PAPPA: variants seen among roughly 807,000 people sequenced by gnomAD.
PAPPA encodes the protein pappalysin-1.
In PAPPA, 60 loss-of-function variants were observed where a neutral mutation model predicts 164.0. The observed-to-expected ratio is 0.37, with a 90% CI of 0.30 to 0.45. The LOEUF is 0.45. Among genes scored for constraint, PAPPA ranks in the 20% least tolerant of loss-of-function variants. The probability of loss-of-function intolerance (pLI) is 1.00; values close to 1 mark genes in which losing one functional copy is unlikely to be tolerated. For synonymous variants in PAPPA, 875 were observed against 814.1 expected (o/e 1.07, Z -1.27); for missense variants, 1,782 against 2,087.3 (o/e 0.85, Z 2.85).
rs1401919719 is a variant in PAPPA at position 116,235,307 on chromosome 9, C to A, written c.2402C>A (p.Thr801Asn). Residue 801 changes from threonine (T) to asparagine (N), a missense_variant, in exon 7 of 22, where the codon ACC becomes AAC. Thr to Asn is a moderately conservative substitution (Grantham distance 65). Coordinates refer to ENST00000328252, the MANE Select transcript of PAPPA (RefSeq NM_002581.5). ...LVPESLTIWV[T>N]FVSTDWDSSG... Reference sequence around the variant, plus strand: ...CCTGAGTCTCTGACCATTTGGGTGACCTTTGTCTCCACTGACTGGGACTCT... The same window carrying A: ...CCTGAGTCTCTGACCATTTGGGTGAACTTTGTCTCCACTGACTGGGACTCT... 1 of 1,614,132 alleles carries A rather than the reference C, an allele frequency of 6.2e-7. No individual in the cohort carries two copies. Among genetic ancestry groups the A allele is most frequent in the Admixed American group, 1.7e-5 (1 of 60,024 alleles).
chr9:116,181,126 G>A (rs1843899840), intron 1 of PAPPA, among the ~76,000 whole-genome samples: 1 of 152,232 alleles, frequency 6.6e-6, no homozygotes, highest in African/African-American at 2.4e-5. Flanking sequence ...ACTGGGAACA[G>A]GCATTAGGAG....
chr9:116,185,180 C>T (rs1000282530), intron 1 of PAPPA, among the ~76,000 whole-genome samples: 2 of 152,116 alleles, frequency 1.3e-5, no homozygotes, highest in African/African-American at 4.8e-5. Context: ...GCTCCTTTAC[C>T]AGATAGAGAA....
chr9:116,377,533 C>T (rs1395440067), intron 19 of PAPPA, 43 bp from the exon 20 acceptor site: 1 of 1,459,510 alleles, frequency 6.9e-7, no homozygotes. Context: ...TGGGTCCCTC[C>T]CAATCCCAAG....
At chr9:116,387,272 TA>T (rs1846827418) in intron 21 of PAPPA, among the ~76,000 whole-genome samples, 1 of 152,238 alleles carries the variant, frequency 6.6e-6, no homozygotes, top group Non-Finnish European at 1.5e-5. Context: ...GTGATAGAGC[TA>T]TGTTTGGGAT....
intron 4 of PAPPA, among the ~76,000 whole-genome samples, chr9:116,216,033 TA>T (rs1844367014): frequency 2.6e-5 from 4 of 152,226 alleles, no homozygotes; most frequent in African/African-American, 7.2e-5. Flanking sequence ...GGGTAATGTT[TA>T]TTTTTTGTAA....
chr9:116,279,725 C>T (rs1424723451), intron 9 of PAPPA, among the ~76,000 whole-genome samples: 1 of 152,208 alleles, frequency 6.6e-6, no homozygotes, highest in African/African-American at 2.4e-5. Context: ...AGAAATTCAT[C>T]TGCACATACA....
intron 3 of PAPPA, among the ~76,000 whole-genome samples, chr9:116,207,829 A>G (rs998135758): frequency 4.6e-5 from 7 of 152,206 alleles, no homozygotes; most frequent in African/African-American, 1.7e-4. Flanking sequence ...ACCATGTTTT[A>G]TCAATGGGGA....
intron 7 of PAPPA, among the ~76,000 whole-genome samples, chr9:116,247,237 G>A (rs958528337): frequency 1.4e-4 from 22 of 152,144 alleles, no homozygotes; most frequent in African/African-American, 5.1e-4. Flanking sequence ...ATTCTGAGAG[G>A]GAAAAAGAGG....
In PAPPA at chr9:116,212,410, C is replaced by T. The variant is rs75991265; in HGVS notation, c.1918+478C>T. Among the ~76,000 whole-genome samples the T allele has an allele frequency of 8.2e-3, 1,246 of 152,196 alleles. 14 individuals carry two copies. The highest frequency in any genetic ancestry group is 0.028 in the African/African-American group (1,163 of 41,520). ...AGCATTAGGGGATGCCCTGCACTTC[C>T]CTTTAGCATGGGATACATCAAGGCC... On this transcript the variant is annotated intron_variant, in intron 4 of 21. Coordinates refer to ENST00000328252, the MANE Select transcript of PAPPA (RefSeq NM_002581.5).
intron 9 of PAPPA, among the ~76,000 whole-genome samples, chr9:116,300,698 T>C (rs1365205266): frequency 6.6e-6 from 1 of 152,200 alleles, no homozygotes; most frequent in African/African-American, 2.4e-5. Flanking sequence ...TCTTTTCAGA[T>C]ACTTAGCATC....
chr9:116,274,724 T>C (rs1845176892), intron 9 of PAPPA, among the ~76,000 whole-genome samples: 1 of 152,208 alleles, frequency 6.6e-6, no homozygotes, highest in Non-Finnish European at 1.5e-5. Flanking sequence ...TAGGAGATAA[T>C]TATTCTAATA....
At position 116,154,654 on chromosome 9, in the gene PAPPA, G is replaced by T; in HGVS notation, c.415+67G>T. ...GCCCCAGAGGCTCGCGGGTGTCTGG[G>T]CGCGGGTGGCGGGCGGGTCGGGGGC... On this transcript the variant is annotated intron_variant, in intron 1 of 21. Coordinates refer to ENST00000328252, the MANE Select transcript of PAPPA (RefSeq NM_002581.5). The surrounding 1 kb of genome is among the most constrained non-coding windows in gnomAD (Gnocchi z 5.2). The T allele has an allele frequency of 8.0e-7, 1 of 1,257,236 alleles. No homozygotes were observed. Among genetic ancestry groups the T allele is most frequent in the East Asian group, 3.2e-5 (1 of 31,480 alleles). 77.9% of individuals were successfully genotyped at this position (1,257,236 alleles called of 1,614,324 possible).
intron 1 of PAPPA, among the ~76,000 whole-genome samples, chr9:116,172,653 T>C (rs1843787128): frequency 6.6e-6 from 1 of 152,200 alleles, no homozygotes; most frequent in Non-Finnish European, 1.5e-5. Context: ...TTTCCCCTCT[T>C]GAGCTTACAG....
intron 1 of PAPPA, among the ~76,000 whole-genome samples, chr9:116,185,352 G>C (rs764020640): frequency 2.6e-5 from 4 of 150,994 alleles, no homozygotes; most frequent in African/African-American, 4.9e-5. Context: ...GCTGGTCCAA[G>C]ACTGCTGGCC....
rs770786227 is a variant in PAPPA at position 116,235,346 on chromosome 9, A to G, written c.2441A>G (p.Asn814Ser). ...GACTGGGACTCTAGTGGAGCTGTCA[A>G]TGACATCAAACTGTTGGCTGTCAGT... ...STDWDSSGAV[N>S]DIKLLAVSGK... is the part of the protein sequence containing the mutation. The change falls in exon 7 of 22, where the codon AAT (asparagine) becomes AGT (serine). Residue 814 changes from asparagine to serine, a missense_variant. Physicochemically the swap from Asn to Ser is conservative, Grantham distance 46 (BLOSUM62 1). Around this residue, in one of 2 missense-constraint regions of PAPPA, gnomAD observed 1,324 missense variants for 1,656.9 expected, o/e 0.80. Transcript: ENST00000328252. 3 of 1,613,952 alleles carry G rather than the reference A, an allele frequency of 1.9e-6. No homozygotes were observed. The highest frequency in any genetic ancestry group is 2.5e-6 in the Non-Finnish European group (3 of 1,179,934).
At chr9:116,213,512 C>T (rs1564186283) in intron 4 of PAPPA, among the ~76,000 whole-genome samples, 2 of 152,154 alleles carry the variant, frequency 1.3e-5, no homozygotes, top group African/African-American at 4.8e-5. Flanking sequence ...GGTGCCCCAT[C>T]CCCTCATACA....
At chr9:116,174,351 G>A (rs1475621445) in intron 1 of PAPPA, among the ~76,000 whole-genome samples, 1 of 152,156 alleles carries the variant, frequency 6.6e-6, no homozygotes, top group Non-Finnish European at 1.5e-5. Context: ...AAGATGAGGT[G>A]ATGGCAGGCT....
At chr9:116,343,233 T>C (rs1461705042) in intron 13 of PAPPA, among the ~76,000 whole-genome samples, 1 of 152,198 alleles carries the variant, frequency 6.6e-6, no homozygotes, top group African/African-American at 2.4e-5. Flanking sequence ...TATTGAGTGC[T>C]TGCCTAACTA....
chr9:116,378,218 C>T (rs1588027566), intron 20 of PAPPA, among the ~76,000 whole-genome samples: 1 of 152,178 alleles, frequency 6.6e-6, no homozygotes. Context: ...TATGACTTCA[C>T]AGTTGAGCCA....
Sources: allele counts gnomAD v4.1 joint callset (sites outside exome capture counted in the v4.1 genomes callset), GRCh38; gene constraint gnomAD v4.1.1; regional missense constraint gnomAD v4.1.1; non-coding constraint Gnocchi (gnomAD v3.1); transcripts MANE v1.5; gene names NCBI Gene and HGNC (gene_info 2026-07-23, HGNC 2026-07-21).